The following SLC31A1 variants were observed in gnomAD, a reference collection of about 807,000 sequenced individuals.
SLC31A1 encodes the protein solute carrier family 31 member 1, also known as high affinity copper uptake protein 1.
SLC31A1 carries 5 observed loss-of-function variants against 17.2 expected under a neutral mutation model. The observed-to-expected ratio is 0.29, with a 90% CI of 0.15 to 0.61. SLC31A1 has a LOEUF of 0.61. SLC31A1 is among the 20% of genes least tolerant of loss of function. The probability of loss-of-function intolerance (pLI) is 0.86; values close to 1 mark genes in which losing one functional copy is unlikely to be tolerated. For missense variants in SLC31A1, 161 were observed against 241.4 expected (o/e 0.67, Z 2.21); for synonymous variants, 76 against 78.8 (o/e 0.96, Z 0.19).
At chr9:113,224,020 A>G (rs980659607) in intron 1 of SLC31A1, among the ~76,000 whole-genome samples, 2 of 152,208 alleles carry the variant, frequency 1.3e-5, no homozygotes, top group Non-Finnish European at 2.9e-5. Context: ...GAACACATAA[A>G]CATTCTTTTG....
At position 113,258,922 on chromosome 9, in the gene SLC31A1, C is replaced by T. The variant is rs1365156719; in HGVS notation, c.371+60C>T. ...GAACTCGATCAGTTAAGCAGCAAAG[C>T]GCAGCTGTGTGATCAGCAGCAGCCC... On this transcript the variant is annotated intron_variant, in intron 4 of 4. Coordinates refer to ENST00000374212, the MANE Select transcript of SLC31A1 (RefSeq NM_001859.4). This position sits in a 1 kb window ranked among gnomAD's most constrained non-coding sequence, Gnocchi z 4.8. 67 of 1,543,596 alleles carry T rather than the reference C, an allele frequency of 4.3e-5. No individual in the cohort carries two copies. Among genetic ancestry groups the T allele is most frequent in the African/African-American group, 5.4e-5 (4 of 73,450 alleles).
chr9:113,223,062 T>TAA lies in SLC31A1; in HGVS notation c.-36+1395_-36+1396dup, dbSNP rs5900046. 1.8e-3 allele frequency among the ~76,000 whole-genome samples: 261 copies of TAA among 147,346 alleles called. 1 individual carries two copies. Among genetic ancestry groups the TAA allele is most frequent in the African/African-American group, 5.7e-3 (229 of 40,302 alleles). On this transcript the variant is annotated intron_variant, in intron 1 of 4. Coordinates refer to ENST00000374212, the MANE Select transcript of SLC31A1 (RefSeq NM_001859.4). ...TGACATGTCCTTCCAGCCTTTTCTT[T>TAA]AAAAAAAAAAAATGGCCAAGGGAAT... is the stretch of plus-strand genomic sequence containing the variant.
intron 1 of SLC31A1, among the ~76,000 whole-genome samples, chr9:113,255,132 T>G (rs1393892749): frequency 1.3e-5 from 2 of 152,206 alleles, no homozygotes; most frequent in Admixed American, 6.5e-5. Context: ...AGGGCCATAG[T>G]AGACCTTTCT....
chr9:113,253,678 C>T (rs991470673), intron 1 of SLC31A1, among the ~76,000 whole-genome samples: 8 of 151,306 alleles, frequency 5.3e-5, no homozygotes, highest in East Asian at 3.9e-4. Context: ...CTCAGCCTCC[C>T]GAGTAGCTGG....
At chr9:113,231,633 C>T (rs1349992812) in intron 1 of SLC31A1, among the ~76,000 whole-genome samples, 11 of 151,766 alleles carry the variant, frequency 7.2e-5, no homozygotes, top group Admixed American at 6.6e-4. Context: ...TTAGGCACAC[C>T]TGGTAGGAAC....
In SLC31A1 at chr9:113,257,054, C is replaced by T; in HGVS notation, c.130-59C>T. 8.0e-6 allele frequency: 11 copies of T among 1,367,496 alleles called. No homozygotes were observed. In the South Asian group the frequency reaches 1.3e-4, roughly 16 times the overall value. 84.7% of individuals were successfully genotyped at this position (1,367,496 alleles called of 1,614,324 possible). A position where few individuals can be genotyped will look rare whatever the true frequency, so the allele number is the denominator to read the frequency against. ...TTAAATGTTCTAAGCTTCTTTGCCC[C>T]AAATTCTCATTTAGAATTTTCATTC... On this transcript the variant is annotated intron_variant, in intron 2 of 4. Transcript: ENST00000374212.
chr9:113,237,892 A>G (rs1831479491), intron 1 of SLC31A1, among the ~76,000 whole-genome samples: 1 of 152,246 alleles, frequency 6.6e-6, no homozygotes, highest in African/African-American at 2.4e-5. Context: ...TAAAGGGTAT[A>G]TTAGACTGCA....
chr9:113,260,501 G>A lies in SLC31A1; in HGVS notation c.*28G>A, dbSNP rs538932235. 3.8e-6 allele frequency: 6 copies of A among 1,591,200 alleles called. 1 individual carries two copies. The highest frequency in any genetic ancestry group is 3.3e-5 in the South Asian group (3 of 90,684). ...TCAAACTCTATGGCGTGGCCTTATC[G>A]ATTGCAGTGGGAAGTTGTTGAAGAC... On this transcript the variant is annotated 3_prime_UTR_variant, in exon 5 of 5. Transcript: ENST00000374212.
rs1015885029 is a variant in SLC31A1 at position 113,221,649 on chromosome 9, G to A, written c.-65G>A. Reference sequence around the variant, plus strand: ...TGACGGGTTAAGATTCGGAGAGAGAGGTGCTAGTGGCTGGACTTGACCTGG... The same window carrying A: ...TGACGGGTTAAGATTCGGAGAGAGAAGTGCTAGTGGCTGGACTTGACCTGG... On this transcript the variant is annotated 5_prime_UTR_variant, in exon 1 of 5. Coordinates refer to ENST00000374212, the MANE Select transcript of SLC31A1 (RefSeq NM_001859.4). 16 of 340,740 alleles carry A rather than the reference G, an allele frequency of 4.7e-5. No individual in the cohort carries two copies. The highest frequency in any genetic ancestry group is 1.4e-4 in the South Asian group (6 of 41,734). The allele number at this position is 340,740 out of a possible 1,614,324, so 21.1% of individuals were successfully genotyped here.
rs1034760396 is a variant in SLC31A1, at chr9:113,264,314, C to CA, written c.*3855dup. On this transcript the variant is annotated 3_prime_UTR_variant, in exon 5 of 5. Coordinates refer to ENST00000374212, the MANE Select transcript of SLC31A1 (RefSeq NM_001859.4). The stretch of plus-strand genomic sequence containing the variant: ...GGGCGACAAGAGCAAAACTCCGTCT[C>CA]AAAAAAAAAAAAAAGATACAAAGTC... 399 of 112,414 alleles carry CA rather than the reference C, an allele frequency of 3.5e-3. 3 individuals carry two copies. Among genetic ancestry groups the CA allele is most frequent in the African/African-American group, 8.2e-3 (247 of 30,150 alleles). 7.0% of individuals were successfully genotyped at this position (112,414 alleles called of 1,614,324 possible).
At chr9:113,247,019 C>T (rs1306920103) in intron 1 of SLC31A1, among the ~76,000 whole-genome samples, 1 of 152,212 alleles carries the variant, frequency 6.6e-6, no homozygotes, top group Admixed American at 6.5e-5. Flanking sequence ...TAACCCCATA[C>T]AGGTCGTCAA....
chr9:113,236,892 A>G (rs1202720929), intron 1 of SLC31A1, among the ~76,000 whole-genome samples: 1 of 152,250 alleles, frequency 6.6e-6, no homozygotes, highest in African/African-American at 2.4e-5. Flanking sequence ...CCTGGGAATT[A>G]TCCAGAACAC....
At position 113,258,714 on chromosome 9, in the gene SLC31A1, GCA is replaced by G; in HGVS notation, c.224_225del (p.Ala75GlyfsTer9). ...CTTAGAAATGGCTGGAGCTTTTGTG[GCA>G]GTGTTTTTACTAGCAATGTTCTATG... ...TAGEMAGAFVAVFLLAMFYEG... is the reference protein window; with the variant it reads ...TAGEMAGAFVXVFLLAMFYEG... On this transcript the variant is annotated frameshift_variant, in exon 4 of 5. Transcript: ENST00000374212. LOFTEE classifies it high-confidence loss of function. The surrounding 1 kb of genome is among the most constrained non-coding windows in gnomAD (Gnocchi z 4.8). 1 of 1,614,180 alleles carries G rather than the reference GCA, an allele frequency of 6.2e-7. No individual in the cohort carries two copies. The highest frequency in any genetic ancestry group is 8.5e-7 in the Non-Finnish European group (1 of 1,180,026).
chr9:113,236,811 C>T (rs540951421), intron 1 of SLC31A1, among the ~76,000 whole-genome samples: 82 of 152,324 alleles, frequency 5.4e-4, no homozygotes, highest in African/African-American at 1.9e-3. Flanking sequence ...ACAAAAATTT[C>T]TAGTCTTACA....
intron 1 of SLC31A1, among the ~76,000 whole-genome samples, chr9:113,239,067 C>T (rs1257610969): frequency 6.6e-6 from 1 of 152,096 alleles, no homozygotes; most frequent in Non-Finnish European, 1.5e-5. Context: ...AATCTCTATG[C>T]GTAGGACCTG....
rs533978084 is a variant in SLC31A1, at chr9:113,262,300, G to A, written c.*1827G>A. 1.3e-5 allele frequency: 2 copies of A among 152,776 alleles called. No individual in the cohort carries two copies. The highest frequency in any genetic ancestry group is 3.9e-4 in the East Asian group (2 of 5,190). 9.5% of individuals were successfully genotyped at this position (152,776 alleles called of 1,614,324 possible). On this transcript the variant is annotated 3_prime_UTR_variant, in exon 5 of 5. Coordinates refer to ENST00000374212, the MANE Select transcript of SLC31A1 (RefSeq NM_001859.4). ...CAAGTGGCCAAAACCCCTGTTCTCAGTGAAGAACCACATTGGATTTGTATT... is the reference window on the plus strand; with the variant it reads ...CAAGTGGCCAAAACCCCTGTTCTCAATGAAGAACCACATTGGATTTGTATT...
intron 1 of SLC31A1, among the ~76,000 whole-genome samples, chr9:113,228,009 T>G (rs1312971200): frequency 6.6e-6 from 1 of 152,244 alleles, no homozygotes; most frequent in Non-Finnish European, 1.5e-5. Context: ...TTACTGTACC[T>G]TAAAATTGGA....
intron 1 of SLC31A1, among the ~76,000 whole-genome samples, chr9:113,251,435 T>A (rs947300233): frequency 3.0e-4 from 46 of 151,530 alleles, no homozygotes; most frequent in Middle Eastern, 3.4e-3. Context: ...AAATAAAAAA[T>A]AAAAAATAAA....
intron 4 of SLC31A1, among the ~76,000 whole-genome samples, chr9:113,259,729 C>T (rs1010290179): frequency 6.6e-6 from 1 of 151,978 alleles, no homozygotes; most frequent in Admixed American, 6.6e-5. Flanking sequence ...GAACTACAGG[C>T]ATGAGCCACC....
Sources: gnomAD v4.1 joint callset for allele counts (sites outside exome capture counted in the v4.1 genomes callset) on GRCh38, gnomAD v4.1.1 for gene constraint, Gnocchi (gnomAD v3.1) non-coding constraint, MANE v1.5 for transcripts, NCBI Gene and HGNC (gene_info 2026-07-23, HGNC 2026-07-21) for gene names.